Variants in FOXP1 observed in about 807,000 individuals in gnomAD.
The protein encoded by FOXP1 is forkhead box protein P1.
FOXP1 carries 15 observed loss-of-function variants against 98.2 expected under a neutral mutation model. The ratio of observed to expected loss-of-function variants is 0.15; its 90% CI spans 0.10 to 0.24. FOXP1 has a LOEUF of 0.24. FOXP1 is among the 10% of genes least tolerant of loss of function. The pLI, the probability that FOXP1 is intolerant of heterozygous loss-of-function variation, is 1.00. For synonymous variants in FOXP1, 371 were observed against 314.5 expected (o/e 1.18, Z -1.90); for missense variants, 633 against 848.5 (o/e 0.75, Z 3.15).
At chr3:71,212,137 C>G (rs1002332816) in intron 5 of FOXP1, among the ~76,000 whole-genome samples, 1 of 152,100 alleles carries the variant, frequency 6.6e-6, no homozygotes, top group African/African-American at 2.4e-5. Context: ...GAGACTTTCT[C>G]CTTGGCTTTA....
chr3:71,057,019 G>C (rs1268369921), intron 7 of FOXP1, among the ~76,000 whole-genome samples: 2 of 152,138 alleles, frequency 1.3e-5, no homozygotes, highest in Non-Finnish European at 2.9e-5. Flanking sequence ...GAGGTCATTA[G>C]CGGCAAGAGT....
chr3:71,176,995 G>T (rs1388575439), intron 6 of FOXP1, among the ~76,000 whole-genome samples: 2 of 152,042 alleles, frequency 1.3e-5, no homozygotes, highest in Non-Finnish European at 2.9e-5. Context: ...CCTGGGAGGC[G>T]GAGGTTGCAG....
chr3:71,565,581 G>A (rs900265197), intron 2 of FOXP1, among the ~76,000 whole-genome samples: 3 of 152,108 alleles, frequency 2.0e-5, no homozygotes, highest in Non-Finnish European at 4.4e-5. Flanking sequence ...AAGAAAAAGC[G>A]GCAGCTTATA....
At chr3:71,496,688 C>T (rs1179375949) in intron 2 of FOXP1, among the ~76,000 whole-genome samples, 1 of 151,866 alleles carries the variant, frequency 6.6e-6, no homozygotes, top group Non-Finnish European at 1.5e-5. Context: ...GGTATGGTGA[C>T]GCCAGCTACT....
At chr3:71,283,945 C>G (rs960295341) in intron 5 of FOXP1, among the ~76,000 whole-genome samples, 1 of 152,094 alleles carries the variant, frequency 6.6e-6, no homozygotes, top group African/African-American at 2.4e-5. Context: ...CCTGGCTTTC[C>G]CAGTATCCCC....
intron 5 of FOXP1, among the ~76,000 whole-genome samples, chr3:71,282,855 C>T (rs1041016134): frequency 5.9e-5 from 9 of 152,222 alleles, no homozygotes; most frequent in African/African-American, 2.2e-4. Flanking sequence ...TCAGCCAAGG[C>T]ATACTCCAAG....
chr3:71,479,755 G>C (rs557979174), intron 3 of FOXP1, among the ~76,000 whole-genome samples: 1 of 151,838 alleles, frequency 6.6e-6, no homozygotes, highest in African/African-American at 2.4e-5. Context: ...TCATTTCTTG[G>C]GTAGACAGAA....
At chr3:71,357,695 G>C (rs2078259773) in intron 4 of FOXP1, among the ~76,000 whole-genome samples, 2 of 152,196 alleles carry the variant, frequency 1.3e-5, no homozygotes, top group South Asian at 2.1e-4. Context: ...GCCTCAGCCA[G>C]GAAAACTACT....
At chr3:71,325,076 G>A (rs533662063) in intron 4 of FOXP1, among the ~76,000 whole-genome samples, 5 of 127,482 alleles carry the variant, frequency 3.9e-5, no homozygotes, top group African/African-American at 1.4e-4. Flanking sequence ...TTTTTGAGAT[G>A]TTGTCTTGCT....
In FOXP1 at chr3:71,093,363, G is replaced by A. The variant is rs1267042291; in HGVS notation, c.282+19173C>T. 2.7e-5 allele frequency among the ~76,000 whole-genome samples: 4 copies of A among 148,860 alleles called. No homozygotes were observed. In the East Asian group the frequency reaches 8.1e-4, roughly 30 times the overall value. On this transcript the variant is annotated intron_variant, in intron 7 of 20. Transcript: ENST00000649528. ...ACAATGATGGAAATGTTCTATATCT[G>A]CATTAATCAAAATAATAGCCACTGG...
Position 71,195,755 on chromosome 3 carries a change from T to A in FOXP1, c.180+2447A>T, listed in dbSNP as rs1341011806. Among the ~76,000 whole-genome samples the A allele has an allele frequency of 2.6e-5, 4 of 152,250 alleles. No homozygotes were observed. The East Asian group carries it at 7.7e-4, about 29-fold the overall frequency. Reference sequence around the variant, plus strand: ...GACTACCGCAGTAATGAATTCAGCATGGCTATGATTTTCTCACTGCTGGTA... The same window carrying A: ...GACTACCGCAGTAATGAATTCAGCAAGGCTATGATTTTCTCACTGCTGGTA... On this transcript the variant is annotated intron_variant, in intron 6 of 20. Coordinates refer to ENST00000649528, the MANE Select transcript of FOXP1 (RefSeq NM_001349338.3).
At chr3:71,466,709 C>T (rs1319221649) in intron 3 of FOXP1, among the ~76,000 whole-genome samples, 3 of 152,106 alleles carry the variant, frequency 2.0e-5, no homozygotes, top group Non-Finnish European at 2.9e-5. Flanking sequence ...TGAGCCCCAC[C>T]CCAGAGTTTA....
chr3:71,390,392 G>C (rs374036343), intron 3 of FOXP1, among the ~76,000 whole-genome samples: 1 of 152,162 alleles, frequency 6.6e-6, no homozygotes, highest in African/African-American at 2.4e-5. Flanking sequence ...ATCTCAGTGC[G>C]ACATGCAACC....
rs1003635009 is a variant in FOXP1 at position 71,556,894 on chromosome 3, T to C, written c.-298+24655A>G. Reference sequence around the variant, plus strand: ...CAAAAGACTGGAAACAATGTAAACATCCAACAGAAAGAGAAAGATTAAAAT... The same window carrying C: ...CAAAAGACTGGAAACAATGTAAACACCCAACAGAAAGAGAAAGATTAAAAT... On this transcript the variant is annotated intron_variant, in intron 2 of 20. Transcript: ENST00000649528. Among the ~76,000 whole-genome samples the C allele has an allele frequency of 6.6e-5, 10 of 151,830 alleles. No individual in the cohort carries two copies. In the East Asian group the frequency reaches 9.7e-4, roughly 15 times the overall value.
rs2037890168 is a variant in FOXP1, at chr3:70,977,809, C to T, written c.1348+19G>A. 1.2e-6 allele frequency: 2 copies of T among 1,613,632 alleles called. No homozygotes were observed. The highest frequency in any genetic ancestry group is 8.5e-7 in the Non-Finnish European group (1 of 1,179,520). Reference sequence around the variant, plus strand: ...TTGCAGATTACAACTCTACGTGAGGCAAAAGGTGGAGTATCTACCTGACGA... The same window carrying T: ...TTGCAGATTACAACTCTACGTGAGGTAAAAGGTGGAGTATCTACCTGACGA... On this transcript the variant is annotated intron_variant, in intron 15 of 20. Transcript: ENST00000649528.
At chr3:71,246,704 A>AT (rs1173780682) in intron 5 of FOXP1, among the ~76,000 whole-genome samples, 1 of 152,238 alleles carries the variant, frequency 6.6e-6, no homozygotes, top group African/African-American at 2.4e-5. Flanking sequence ...AGCAAAATCA[A>AT]TAAATCACAC....
At chr3:71,093,273 GA>G (rs34159878) in intron 7 of FOXP1, among the ~76,000 whole-genome samples, 32,929 of 133,462 alleles carry the variant, frequency 0.25, 4,449 homozygotes, top group East Asian at 0.48. Flanking sequence ...AAATAAAAAT[GA>G]AAAAAAAAAA....
intron 6 of FOXP1, among the ~76,000 whole-genome samples, chr3:71,162,698 CT>C (rs2061201251): frequency 6.6e-6 from 1 of 152,178 alleles, no homozygotes; most frequent in Non-Finnish European, 1.5e-5. Flanking sequence ...CCCATTGTTA[CT>C]TGCCAACATG....
At chr3:71,516,837 C>T (rs191469135) in intron 2 of FOXP1, among the ~76,000 whole-genome samples, 1 of 152,262 alleles carries the variant, frequency 6.6e-6, no homozygotes, top group African/African-American at 2.4e-5. Flanking sequence ...CAGAGCAAGA[C>T]TCTGTCTCAA....
Sources: allele counts gnomAD v4.1 joint callset (sites outside exome capture counted in the v4.1 genomes callset), GRCh38; gene constraint gnomAD v4.1.1; transcripts MANE v1.5; gene names NCBI Gene and HGNC (gene_info 2026-07-23, HGNC 2026-07-21).